The following MGAT5B variants were observed in gnomAD, a reference collection of about 807,000 sequenced individuals.
The protein encoded by MGAT5B is N-acetylglucosaminyl-transferase Vb.
In MGAT5B, 54 loss-of-function variants were observed where a neutral mutation model predicts 95.1. The observed-to-expected ratio is 0.57, with a 90% CI of 0.46 to 0.71. The LOEUF is 0.71. MGAT5B is among the 30% of genes least tolerant of loss of function. The pLI, the probability that MGAT5B is intolerant of heterozygous loss-of-function variation, is 0.00. For synonymous variants in MGAT5B, 464 were observed against 451.0 expected (o/e 1.03, Z -0.36); for missense variants, 935 against 1,088.6 (o/e 0.86, Z 1.99).
chr17:76,892,510 G>A (rs2145160463), intron 3 of MGAT5B, among the ~76,000 whole-genome samples: 1 of 152,328 alleles, frequency 6.6e-6, no homozygotes, highest in South Asian at 2.1e-4. Flanking sequence ...GCAGGGCACT[G>A]GCACAGAACA....
At chr17:76,948,228 C>G in intron 17 of MGAT5B, 142 bp downstream of exon 17, 1 of 1,422,716 alleles carries the variant, frequency 7.0e-7, no homozygotes, top group Non-Finnish European at 9.2e-7. Flanking sequence ...CAGGAAGGAT[C>G]CAGAAGGGAT....
chr17:76,883,483 CAT>C (rs1446436527), intron 3 of MGAT5B, among the ~76,000 whole-genome samples: 2 of 152,160 alleles, frequency 1.3e-5, no homozygotes, highest in Non-Finnish European at 2.9e-5. Flanking sequence ...CCCAGGGACA[CAT>C]GAGGTGTGAC....
Position 76,906,286 on chromosome 17 carries a change from G to A in MGAT5B, c.1025+99G>A. On this transcript the variant is annotated intron_variant, in intron 8 of 17. Transcript: ENST00000569840. The surrounding 1 kb of genome is among the most constrained non-coding windows in gnomAD (Gnocchi z 4.6). Reference sequence around the variant, plus strand: ...CAGGGGCTGTGGGAGCACCTGCTCTGCCTGCAGGTCCCACGGCCCTGAGAC... The same window carrying A: ...CAGGGGCTGTGGGAGCACCTGCTCTACCTGCAGGTCCCACGGCCCTGAGAC... 3 of 1,218,216 alleles carry A rather than the reference G, an allele frequency of 2.5e-6. No individual in the cohort carries two copies. The highest frequency in any genetic ancestry group is 2.9e-5 in the South Asian group (2 of 67,918). 75.5% of individuals were successfully genotyped at this position (1,218,216 alleles called of 1,614,324 possible). A position where few individuals can be genotyped will look rare whatever the true frequency, so the allele number is the denominator to read the frequency against.
chr17:76,894,852 CAA>C (rs1162807852), intron 3 of MGAT5B, among the ~76,000 whole-genome samples: 2 of 63,542 alleles, frequency 3.1e-5, no homozygotes, highest in African/African-American at 1.2e-4. Context: ...GACTCTGTCT[CAA>C]AAAAAAAAAA....
intron 3 of MGAT5B, among the ~76,000 whole-genome samples, chr17:76,899,229 C>T (rs985525278): frequency 6.6e-6 from 1 of 152,272 alleles, no homozygotes; most frequent in Non-Finnish European, 1.5e-5. Flanking sequence ...GTAGGACAGG[C>T]GCCCAGTTTT....
Position 76,935,907 on chromosome 17 carries a change from A to G in MGAT5B, c.1429-2081A>G, listed in dbSNP as rs1175114406. 3.1e-5 allele frequency among the ~76,000 whole-genome samples: 4 copies of G among 129,928 alleles called. No individual in the cohort carries two copies. The East Asian group carries it at 9.2e-4, about 30-fold the overall frequency. 85.2% of individuals were successfully genotyped at this position (129,928 alleles called of 152,430 possible). On this transcript the variant is annotated intron_variant, in intron 12 of 17. Transcript: ENST00000569840. ...TATATTATATAATTATATATACATT[A>G]TATATATTATATATTATATAATTAT...
chr17:76,935,865 A>G (rs1053189777), intron 12 of MGAT5B, among the ~76,000 whole-genome samples: 1 of 130,546 alleles, frequency 7.7e-6, no homozygotes, highest in African/African-American at 2.8e-5. Context: ...TATATATTAT[A>G]TACATTATAT....
Position 76,940,350 on chromosome 17 carries a change from T to C in MGAT5B, c.1585-52T>C, listed in dbSNP as rs1347700180. ...TTGTCCCCGGCATCCTGGTGCTTACTGGGCTGTGGCGGCCCAGCCCTCCCT... is the reference window on the plus strand; with the variant it reads ...TTGTCCCCGGCATCCTGGTGCTTACCGGGCTGTGGCGGCCCAGCCCTCCCT... On this transcript the variant is annotated intron_variant, in intron 13 of 17. Transcript: ENST00000569840. The surrounding 1 kb of genome is among the most constrained non-coding windows in gnomAD (Gnocchi z 4.3). 9.2e-6 allele frequency: 14 copies of C among 1,519,682 alleles called. No individual in the cohort carries two copies. Among genetic ancestry groups the C allele is most frequent in the African/African-American group, 1.4e-5 (1 of 72,208 alleles). The allele number at this position is 1,519,682 out of a possible 1,614,324, so 94.1% of individuals were successfully genotyped here.
At chr17:76,899,564 G>C (rs1406987196) in intron 3 of MGAT5B, among the ~76,000 whole-genome samples, 1 of 152,198 alleles carries the variant, frequency 6.6e-6, no homozygotes, top group Non-Finnish European at 1.5e-5. Context: ...TTGAGCCCGG[G>C]AGGTTGAGAC....
At position 76,905,292 on chromosome 17, in the gene MGAT5B, C is replaced by T. The variant is rs1439106968; in HGVS notation, c.814C>T (p.Leu272=). The part of the protein sequence containing the change: ...TAQWALAAQR[L]AQKLGATQRD... ...CCAGTGGGCGCTGGCTGCCCAGCGCCTGGCACAGAAGCTGGGGGCCACCCA... is the reference window on the plus strand; with the variant it reads ...CCAGTGGGCGCTGGCTGCCCAGCGCTTGGCACAGAAGCTGGGGGCCACCCA... Residue 272 remains leucine, a synonymous_variant, in exon 7 of 18, where the codon CTG becomes TTG. Coordinates refer to ENST00000569840, the MANE Select transcript of MGAT5B (RefSeq NM_001199172.2). The surrounding 1 kb of genome is among the most constrained non-coding windows in gnomAD (Gnocchi z 4.2). 1 of 1,605,572 alleles carries T rather than the reference C, an allele frequency of 6.2e-7. No individual in the cohort carries two copies. The highest frequency in any genetic ancestry group is 1.7e-5 in the Admixed American group (1 of 59,706).
Position 76,947,926 on chromosome 17 carries a change from C to G in MGAT5B, c.2020C>G (p.Arg674Gly). Residue 674 changes from arginine (R) to glycine (G), a missense_variant, in exon 17 of 18, where the codon CGG (arginine) becomes GGG (glycine). Transcript: ENST00000569840. The stretch of plus-strand genomic sequence containing the variant: ...CAATGCCACCCACCTCGAGTGGGCT[C>G]GGAACACCAGCTTGGCTCCTGGGGC... ...APNATHLEWA[R>G]NTSLAPGAWP... is the part of the protein sequence containing the mutation. 1 of 1,613,300 alleles carries G rather than the reference C, an allele frequency of 6.2e-7. No individual in the cohort carries two copies. The highest frequency in any genetic ancestry group is 8.5e-7 in the Non-Finnish European group (1 of 1,179,556).
rs1968440690 is a variant in MGAT5B, at chr17:76,904,403, A to G, written c.671A>G (p.Lys224Arg). ...CAGACGGCTGCCCAGAGGGCACCCA[A>G]GCCCCTCCCCAAAGTCCAGGTGGGC... ...RNQTAAQRAP[K>R]PLPKVQAVFR... The change falls in exon 6 of 18, where the codon AAG becomes AGG. Residue 224 changes from lysine (K) to arginine (R), a missense_variant. Coordinates refer to ENST00000569840, the MANE Select transcript of MGAT5B (RefSeq NM_001199172.2). 1.3e-6 allele frequency: 2 copies of G among 1,561,752 alleles called. No homozygotes were observed. The highest frequency in any genetic ancestry group is 1.7e-6 in the Non-Finnish European group (2 of 1,153,218).
At chr17:76,897,709 CTT>C (rs1379876994) in intron 3 of MGAT5B, among the ~76,000 whole-genome samples, 10 of 93,028 alleles carry the variant, frequency 1.1e-4, no homozygotes, top group African/African-American at 5.2e-4. Context: ...TTCTTTCTTT[CTT>C]TCTTTCTTTC....
intron 3 of MGAT5B, among the ~76,000 whole-genome samples, chr17:76,897,660 A>ACCTTCTTTCTTTCTTT (rs1385091778): frequency 0.011 from 756 of 69,306 alleles, 46 homozygotes; most frequent in East Asian, 0.059. Context: ...AAGTAAGGCC[A>ACCTTCTTTCTTTCTTT]CTTTCTTTCT....
chr17:76,949,941 A>C lies in MGAT5B; in HGVS notation c.*1103A>C, dbSNP rs369752149. 1.3e-3 allele frequency: 189 copies of C among 142,762 alleles called. No homozygotes were observed. The Middle Eastern group carries it at 0.043, about 33-fold the overall frequency. The allele number at this position is 142,762 out of a possible 1,614,324, so 8.8% of individuals were successfully genotyped here. ...CTTGTCCCTACCTCCAGCTTCCTCC[A>C]GCCTCAAACCGCCTCTGGATCTAGC... On this transcript the variant is annotated 3_prime_UTR_variant, in exon 18 of 18. Coordinates refer to ENST00000569840, the MANE Select transcript of MGAT5B (RefSeq NM_001199172.2).
At chr17:76,873,594 G>A (rs1967080733) in intron 2 of MGAT5B, among the ~76,000 whole-genome samples, 1 of 152,220 alleles carries the variant, frequency 6.6e-6, no homozygotes, top group South Asian at 2.1e-4. Context: ...GATTGAAGGG[G>A]CTCACACGTG....
chr17:76,943,102 C>T (rs554349621), intron 15 of MGAT5B, among the ~76,000 whole-genome samples: 5 of 151,934 alleles, frequency 3.3e-5, no homozygotes, highest in East Asian at 1.9e-4. Context: ...GCGATAGTCG[C>T]GGGTATTTCT....
At chr17:76,901,530 C>T (rs376431294) in intron 3 of MGAT5B, among the ~76,000 whole-genome samples, 11 of 152,042 alleles carry the variant, frequency 7.2e-5, no homozygotes, top group Non-Finnish European at 1.5e-4. Flanking sequence ...CTGCATATGA[C>T]GGCTAATAAA....
At position 76,906,123 on chromosome 17, in the gene MGAT5B, C is replaced by A. The variant is rs138534156; in HGVS notation, c.961C>A (p.Leu321Met). 1.1e-5 allele frequency: 18 copies of A among 1,607,330 alleles called. No homozygotes were observed. Among genetic ancestry groups the A allele is most frequent in the Admixed American group, 1.7e-5 (1 of 58,698 alleles). ...LGEMVQWADI[L>M]TALYVLGHGL... ...GGAGATGGTGCAGTGGGCGGACATT[C>A]TGACTGCACTCTATGTCCTGGGCCA... Residue 321 changes from leucine (L) to methionine (M), a missense_variant, in exon 8 of 18, where the codon CTG becomes ATG. Transcript: ENST00000569840. This position sits in a 1 kb window ranked among gnomAD's most constrained non-coding sequence, Gnocchi z 4.6.
Sources: allele counts gnomAD v4.1 joint callset (sites outside exome capture counted in the v4.1 genomes callset), GRCh38; gene constraint gnomAD v4.1.1; non-coding constraint Gnocchi (gnomAD v3.1); transcripts MANE v1.5; gene names NCBI Gene and HGNC (gene_info 2026-07-23, HGNC 2026-07-21).